PLXNC1: variants seen among roughly 807,000 people sequenced by gnomAD.
The protein encoded by PLXNC1 is plexin-C1.
In PLXNC1, 75 loss-of-function variants were observed where a neutral mutation model predicts 178.2. That is an observed-to-expected ratio of 0.42 (90% confidence interval 0.35 to 0.51). PLXNC1 has a LOEUF of 0.51. Among genes scored for constraint, PLXNC1 ranks in the 20% least tolerant of loss-of-function variants. PLXNC1 has a pLI of 0.02. For synonymous variants in PLXNC1, 790 were observed against 779.9 expected (o/e 1.01, Z -0.22); for missense variants, 1,503 against 1,984.4 (o/e 0.76, Z 4.61).
In PLXNC1 at chr12:94,165,074, T is replaced by C. The variant is rs1467037299; in HGVS notation, c.1063-4079T>C. On this transcript the variant is annotated intron_variant, in intron 1 of 30. Transcript: ENST00000258526. ...CAGAGGCTGGGATTCAGAAATAAAT[T>C]ACACATAATAAACTAGACAGAATAG... Among the ~76,000 whole-genome samples the C allele has an allele frequency of 2.6e-5, 4 of 152,158 alleles. 1 individual carries two copies. In the East Asian group the frequency reaches 7.7e-4, roughly 29 times the overall value.
Position 94,259,710 on chromosome 12 carries a change from A to T in PLXNC1, c.3227A>T (p.Gln1076Leu). ...LVTVIHTLEK[Q>L]KNFSVKDRCL... ...ACTGTCATCCACACCCTTGAAAAGCAGAAGAACTTTTCTGTGAAGGACAGG... is the reference window on the plus strand; with the variant it reads ...ACTGTCATCCACACCCTTGAAAAGCTGAAGAACTTTTCTGTGAAGGACAGG... Residue 1076 changes from glutamine to leucine, a missense_variant, in exon 19 of 31, where the codon CAG becomes CTG. Transcript: ENST00000258526. The T allele has an allele frequency of 6.2e-7, 1 of 1,611,568 alleles. No individual in the cohort carries two copies. Among genetic ancestry groups the T allele is most frequent in the Non-Finnish European group, 8.5e-7 (1 of 1,178,964 alleles).
chr12:94,273,236 AT>A (rs918887263), intron 21 of PLXNC1, among the ~76,000 whole-genome samples: 5 of 151,810 alleles, frequency 3.3e-5, no homozygotes, highest in African/African-American at 9.7e-5. Flanking sequence ...TCTTTACCAT[AT>A]TTTTTTCCTA....
At chr12:94,282,193 C>G in intron 22 of PLXNC1, 105 bp from the exon 23 acceptor site, 1 of 763,548 alleles carries the variant, frequency 1.3e-6, no homozygotes, top group East Asian at 2.5e-5. Context: ...CACCTTCAAA[C>G]AAAGATTTAC....
intron 5 of PLXNC1, among the ~76,000 whole-genome samples, chr12:94,210,251 A>T (rs3843643): frequency 6.6e-6 from 1 of 152,238 alleles, no homozygotes; most frequent in East Asian, 1.9e-4. Flanking sequence ...AAGCCAGTGG[A>T]CCCTTGCTAT....
rs138109904 is a variant in PLXNC1 at position 94,170,563 on chromosome 12, A to G, written c.1203+1270A>G. On this transcript the variant is annotated intron_variant, in intron 2 of 30. Coordinates refer to ENST00000258526, the MANE Select transcript of PLXNC1 (RefSeq NM_005761.3). ...ACCTTGCTCTCCTCTCATTTCCTGA[A>G]ATACTCATGATCTATGTCATTCTTG... Among the ~76,000 whole-genome samples, 69 of 152,268 alleles carry G rather than the reference A, an allele frequency of 4.5e-4. 1 individual carries two copies. The highest frequency in any genetic ancestry group is 1.6e-3 in the African/African-American group (67 of 41,554).
Position 94,243,053 on chromosome 12 carries a change from G to A in PLXNC1, c.2301-885G>A, listed in dbSNP as rs112852766. Among the ~76,000 whole-genome samples, 651 of 152,360 alleles carry A rather than the reference G, an allele frequency of 4.3e-3. 10 individuals carry two copies. Among genetic ancestry groups the A allele is most frequent in the African/African-American group, 0.015 (624 of 41,582 alleles). On this transcript the variant is annotated intron_variant, in intron 11 of 30. Coordinates refer to ENST00000258526, the MANE Select transcript of PLXNC1 (RefSeq NM_005761.3). ...AATGTGGCTCTAAATGCTGGCCATC[G>A]GGAGATCACGCTTGGCTCGGTTTTC...
intron 28 of PLXNC1, 48 bp downstream of exon 28, chr12:94,301,105 C>T (rs1232407667): frequency 6.5e-7 from 1 of 1,549,480 alleles, no homozygotes; most frequent in African/African-American, 1.4e-5. Flanking sequence ...ATGAGTTTGA[C>T]ATACTTGTCT....
chr12:94,251,675 G>C (rs1344649071), intron 15 of PLXNC1, 147 bp downstream of exon 15: 3 of 652,438 alleles, frequency 4.6e-6, no homozygotes, highest in Non-Finnish European at 8.3e-6. Flanking sequence ...ACGAATAATA[G>C]GTACACGCTG....
chr12:94,251,556 G>A, intron 15 of PLXNC1, 28 bp downstream of exon 15: 1 of 1,411,790 alleles, frequency 7.1e-7, no homozygotes. Flanking sequence ...TTTTGTCAGA[G>A]AAATTATTCC....
intron 20 of PLXNC1, chr12:94,262,694 C>T: frequency 1.0e-6 from 1 of 985,440 alleles, no homozygotes. Context: ...GTCTGGGACA[C>T]CGACAGCCCT....
chr12:94,297,148 T>C, intron 24 of PLXNC1, 41 bp from the exon 25 acceptor site: 1 of 1,611,020 alleles, frequency 6.2e-7, no homozygotes, highest in Non-Finnish European at 8.5e-7. Flanking sequence ...GGTTGCTTTT[T>C]TTAATGGACT....
chr12:94,219,778 CAACAA>C (rs1963737724), intron 5 of PLXNC1, among the ~76,000 whole-genome samples: 1 of 150,730 alleles, frequency 6.6e-6, no homozygotes, highest in South Asian at 2.1e-4. Context: ...ACCAAATAGC[CAACAA>C]AACATCTATT....
intron 4 of PLXNC1, among the ~76,000 whole-genome samples, chr12:94,200,565 A>C (rs1003725790): frequency 6.6e-6 from 1 of 152,122 alleles, no homozygotes; most frequent in Non-Finnish European, 1.5e-5. Flanking sequence ...CCACCTGTTT[A>C]GTGGTGGAGA....
Position 94,149,277 on chromosome 12 carries a change from G to C in PLXNC1, c.306G>C (p.Gly102=). 6.6e-7 allele frequency: 1 copy of C among 1,517,810 alleles called. No individual in the cohort carries two copies. The highest frequency in any genetic ancestry group is 1.2e-5 in the South Asian group (1 of 80,364). 94.0% of individuals were successfully genotyped at this position (1,517,810 alleles called of 1,614,324 possible). The change falls in exon 1 of 31, where the codon GGG becomes GGC. Residue 102 remains glycine (G), a synonymous_variant. Transcript: ENST00000258526. ...SLAPPARPRP[G]SSFSKLLLPY... ...CGCCCCCCGCGCGGCCCCGGCCCGG[G>C]AGCAGCTTCAGCAAGCTGCTGCTGC...
chr12:94,192,667 G>T (rs1228170474), intron 4 of PLXNC1, among the ~76,000 whole-genome samples: 1 of 152,068 alleles, frequency 6.6e-6, no homozygotes, highest in Non-Finnish European at 1.5e-5. Context: ...AGTAGCATGA[G>T]AGACCAAGCT....
intron 5 of PLXNC1, among the ~76,000 whole-genome samples, chr12:94,218,725 A>G (rs1963712362): frequency 6.6e-6 from 1 of 152,142 alleles, no homozygotes; most frequent in South Asian, 2.1e-4. Context: ...ACGTACAGGC[A>G]CACAGATGTA....
At chr12:94,291,781 T>C (rs1018777523) in intron 23 of PLXNC1, among the ~76,000 whole-genome samples, 3 of 152,222 alleles carry the variant, frequency 2.0e-5, no homozygotes, top group Non-Finnish European at 4.4e-5. Flanking sequence ...TCTTTTTAGA[T>C]TCGTGGGTAC....
At chr12:94,237,514 C>G (rs1964273700) in intron 9 of PLXNC1, 150 bp from the exon 10 acceptor site, 1 of 629,360 alleles carries the variant, frequency 1.6e-6, no homozygotes, top group African/African-American at 1.8e-5. Context: ...TCCTTGAATT[C>G]ATTGATTTCA....
chr12:94,267,662 C>G (rs1380809863), intron 21 of PLXNC1, among the ~76,000 whole-genome samples: 2 of 152,186 alleles, frequency 1.3e-5, no homozygotes, highest in African/African-American at 4.8e-5. Context: ...GCCCAGCCCC[C>G]CTTTCATGGT....
Sources: allele counts gnomAD v4.1 joint callset (sites outside exome capture counted in the v4.1 genomes callset), GRCh38; gene constraint gnomAD v4.1.1; transcripts MANE v1.5; gene names NCBI Gene and HGNC (gene_info 2026-07-23, HGNC 2026-07-21).